The following FBXO4 variants were observed in gnomAD, a reference collection of about 807,000 sequenced individuals.
FBXO4 encodes F-box protein 4, also known as F-box only protein 4.
Under a neutral mutation model 43.7 loss-of-function variants are expected in FBXO4, and 36 were observed. The observed-to-expected ratio is 0.82, with a 90% CI of 0.63 to 1.09. FBXO4 has a LOEUF of 1.09. Ranked by LOEUF, FBXO4 falls within the 50% of genes least tolerant of loss-of-function variation. The pLI, the probability that FBXO4 is intolerant of heterozygous loss-of-function variation, is 0.00. For missense variants in FBXO4, 435 were observed against 474.1 expected, an observed-to-expected ratio of 0.92 and a Z score of 0.77; for synonymous variants, 180 against 165.6, an observed-to-expected ratio of 1.09 and a Z score of -0.67.
At chr5:41,975,585 A>G in the FBXO4 span, among the ~76,000 whole-genome samples, 2 of 152,226 alleles carry the variant, frequency 1.3e-5, no homozygotes, top group African/African-American at 4.8e-5. Flanking sequence ...AAGGGCTAAA[A>G]ATTGTACAGA....
chr5:41,979,487 C>T, the FBXO4 span, among the ~76,000 whole-genome samples: 2 of 152,190 alleles, frequency 1.3e-5, no homozygotes, highest in African/African-American at 2.4e-5. Context: ...AAATGTTTAA[C>T]AATCACCTCT....
At chr5:41,999,492 T>TAAAC in the FBXO4 span, among the ~76,000 whole-genome samples, 3 of 52,664 alleles carry the variant, frequency 5.7e-5, no homozygotes, top group African/African-American at 2.6e-4. Context: ...TATATATATA[T>TAAAC]ACATATATAT....
chr5:41,938,854 T>G (rs1751921560), intron 5 of FBXO4, among the ~76,000 whole-genome samples: 1 of 152,198 alleles, frequency 6.6e-6, no homozygotes, highest in Admixed American at 6.5e-5. Flanking sequence ...CCCATGTGAC[T>G]CCCTCCATCT....
chr5:41,926,855 A>T (rs936358198), intron 1 of FBXO4, among the ~76,000 whole-genome samples, 158 bp from the exon 2 acceptor site: 1 of 152,256 alleles, frequency 6.6e-6, no homozygotes. Flanking sequence ...CTTTGCTGAT[A>T]GCAGGAAAAT....
chr5:41,944,682 G>A (rs72747002), downstream of FBXO4, among the ~76,000 whole-genome samples: 12,134 of 152,142 alleles, frequency 0.08, 696 homozygotes, highest in African/African-American at 0.16. Context: ...TTTTTAGTGC[G>A]TTCCCACTAT....
chr5:41,950,939 A>G, the FBXO4 span, among the ~76,000 whole-genome samples: 1 of 152,240 alleles, frequency 6.6e-6, no homozygotes, highest in Non-Finnish European at 1.5e-5. Flanking sequence ...GGAAACCATC[A>G]TTCTCAGCAA....
chr5:41,951,932 C>T, the FBXO4 span: 1 of 301,894 alleles, frequency 3.3e-6, no homozygotes, highest in Non-Finnish European at 6.3e-6. Context: ...TAAACTTCAG[C>T]ACAGCCTGGT....
At chr5:42,040,227 T>G in the FBXO4 span, among the ~76,000 whole-genome samples, 1 of 152,244 alleles carries the variant, frequency 6.6e-6, no homozygotes, top group East Asian at 1.9e-4. Flanking sequence ...CCCATATACC[T>G]TTCATATTTC....
rs918838519 is a variant in FBXO4 at position 41,929,715 on chromosome 5, A to G, written c.444A>G (p.Pro148=). The part of the protein sequence containing the change: ...DYMAVYRMCC[P]YTRRASKSSR... The stretch of plus-strand genomic sequence containing the variant: ...TTTACAGCTATAGAATGTGCTGTCC[A>G]TACACAAGAAGAGCTTCAAAATCCA... Residue 148 remains proline (P), a synonymous_variant, in exon 3 of 7, where the codon CCA becomes CCG. Transcript: ENST00000281623. The G allele has an allele frequency of 8.7e-6, 14 of 1,610,512 alleles. No homozygotes were observed. Among genetic ancestry groups the G allele is most frequent in the Non-Finnish European group, 1.2e-5 (14 of 1,178,552 alleles).
chr5:42,017,455 T>TAACCA, the FBXO4 span, among the ~76,000 whole-genome samples: 8 of 152,180 alleles, frequency 5.3e-5, no homozygotes, highest in South Asian at 1.5e-3. Flanking sequence ...TTTCAACCTT[T>TAACCA]ATTTTAGCTT....
At chr5:42,013,566 C>T in the FBXO4 span, among the ~76,000 whole-genome samples, 1 of 152,144 alleles carries the variant, frequency 6.6e-6, no homozygotes, top group Non-Finnish European at 1.5e-5. Context: ...TCTGGTTTTC[C>T]TTCATTATGA....
chr5:42,008,651 G>C, the FBXO4 span, among the ~76,000 whole-genome samples: 1 of 152,088 alleles, frequency 6.6e-6, no homozygotes, highest in Non-Finnish European at 1.5e-5. Context: ...TAATCCTCCT[G>C]TCCAGAAGTG....
intron 5 of FBXO4, chr5:41,934,529 T>A: frequency 7.3e-7 from 1 of 1,369,680 alleles, no homozygotes. Context: ...CCTACCCTGG[T>A]GGATTTTATT....
At chr5:41,972,736 C>A in the FBXO4 span, among the ~76,000 whole-genome samples, 9 of 152,040 alleles carry the variant, frequency 5.9e-5, no homozygotes, top group African/African-American at 2.2e-4. Flanking sequence ...CACATAAAAC[C>A]AATGGAACGA....
At position 41,929,707 on chromosome 5, in the gene FBXO4, T is replaced by C; in HGVS notation, c.436T>C (p.Cys146Arg). The part of the protein sequence containing the change: ...FFDYMAVYRM[C>R]CPYTRRASKS... ...GACAATTTTTTACAGCTATAGAATGTGCTGTCCATACACAAGAAGAGCTTC... is the reference window on the plus strand; with the variant it reads ...GACAATTTTTTACAGCTATAGAATGCGCTGTCCATACACAAGAAGAGCTTC... The change falls in exon 3 of 7, where the codon TGC (cysteine) becomes CGC (arginine). Residue 146 changes from cysteine (C) to arginine (R), a missense_variant. Physicochemically the swap from Cys to Arg is radical, Grantham distance 180. Transcript: ENST00000281623. 1 of 1,605,458 alleles carries C rather than the reference T, an allele frequency of 6.2e-7. No homozygotes were observed. The highest frequency in any genetic ancestry group is 8.5e-7 in the Non-Finnish European group (1 of 1,176,662).
At chr5:41,966,004 G>A in the FBXO4 span, among the ~76,000 whole-genome samples, 1 of 152,088 alleles carries the variant, frequency 6.6e-6, no homozygotes, top group South Asian at 2.1e-4. Context: ...GTAGGGACAT[G>A]GATGAAGCTG....
the FBXO4 span, among the ~76,000 whole-genome samples, chr5:41,992,364 A>C: frequency 1.3e-5 from 2 of 152,192 alleles, no homozygotes; most frequent in Non-Finnish European, 2.9e-5. Context: ...TTGGTGCTAA[A>C]ATCAAGGGTC....
chr5:41,979,982 G>A, the FBXO4 span, among the ~76,000 whole-genome samples: 1 of 152,194 alleles, frequency 6.6e-6, no homozygotes, highest in Non-Finnish European at 1.5e-5. Context: ...ACAAAGAGAT[G>A]CATCAATCTA....
chr5:42,014,366 G>T, the FBXO4 span, among the ~76,000 whole-genome samples: 2 of 152,164 alleles, frequency 1.3e-5, no homozygotes, highest in African/African-American at 4.8e-5. Flanking sequence ...GGAAATGTGA[G>T]TAGACATTAA....
Sources: gnomAD v4.1 joint callset for allele counts (sites outside exome capture counted in the v4.1 genomes callset) on GRCh38, gnomAD v4.1.1 for gene constraint, MANE v1.5 for transcripts, NCBI Gene and HGNC (gene_info 2026-07-23, HGNC 2026-07-21) for gene names.